The following GABRG2 variants were observed in gnomAD, a reference collection of about 807,000 sequenced individuals.
The protein encoded by GABRG2 is gamma-aminobutyric acid type A receptor subunit gamma2.
A neutral mutation model predicts 56.4 loss-of-function variants in GABRG2; 16 were observed. That is an observed-to-expected ratio of 0.28 (90% confidence interval 0.19 to 0.43). The LOEUF (loss-of-function observed/expected upper bound fraction) is 0.43. Among genes scored for constraint, GABRG2 ranks in the 20% least tolerant of loss-of-function variants. GABRG2 has a pLI of 1.00. For synonymous variants in GABRG2, 208 were observed against 205.5 expected, an observed-to-expected ratio of 1.01 and a Z score of -0.10; for missense variants, 327 against 582.7, an observed-to-expected ratio of 0.56 and a Z score of 4.52.
chr5:162,091,841 A>G (rs1201572574), intron 1 of GABRG2, among the ~76,000 whole-genome samples: 1 of 152,142 alleles, frequency 6.6e-6, no homozygotes, highest in Non-Finnish European at 1.5e-5. Flanking sequence ...AAACAAACAA[A>G]CTAAGCAATT....
At chr5:162,087,106 A>G (rs903757114) in intron 1 of GABRG2, among the ~76,000 whole-genome samples, 26 of 152,082 alleles carry the variant, frequency 1.7e-4, no homozygotes, top group African/African-American at 5.1e-4. Flanking sequence ...GAATAAAAAC[A>G]ATAAACTATG....
At chr5:162,119,993 G>T (rs1762876442) in intron 6 of GABRG2, among the ~76,000 whole-genome samples, 1 of 152,058 alleles carries the variant, frequency 6.6e-6, no homozygotes, top group South Asian at 2.1e-4. Context: ...CCCCATGCTT[G>T]CCATGCCTAG....
intron 7 of GABRG2, among the ~76,000 whole-genome samples, chr5:162,146,820 A>G (rs1042996103): frequency 6.6e-6 from 1 of 152,188 alleles, no homozygotes; most frequent in East Asian, 1.9e-4. Context: ...CCCTTCCTCT[A>G]TAGCTATTTA....
chr5:162,145,377 T>C (rs1764881130), intron 7 of GABRG2, among the ~76,000 whole-genome samples: 1 of 152,216 alleles, frequency 6.6e-6, no homozygotes, highest in Non-Finnish European at 1.5e-5. Context: ...CCTGAAGAGC[T>C]TACTTCATGC....
intron 6 of GABRG2, among the ~76,000 whole-genome samples, chr5:162,108,394 TA>T (rs1761989963): frequency 6.6e-6 from 1 of 152,172 alleles, no homozygotes; most frequent in Non-Finnish European, 1.5e-5. Context: ...ACCGAACTAT[TA>T]ATATGTTTCT....
At chr5:162,138,197 C>T (rs1764282960) in intron 6 of GABRG2, among the ~76,000 whole-genome samples, 1 of 152,104 alleles carries the variant, frequency 6.6e-6, no homozygotes, top group Non-Finnish European at 1.5e-5. Flanking sequence ...CTATAGTTTT[C>T]ATTCTGTAGT....
intron 6 of GABRG2, among the ~76,000 whole-genome samples, chr5:162,141,537 C>T (rs867448256): frequency 7.5e-4 from 114 of 152,192 alleles, no homozygotes; most frequent in African/African-American, 2.7e-3. Flanking sequence ...TAGACTCATG[C>T]AGATAAAGTC....
chr5:162,071,998 AC>A (rs1205860506), intron 1 of GABRG2, among the ~76,000 whole-genome samples: 2 of 152,030 alleles, frequency 1.3e-5, no homozygotes, highest in East Asian at 3.9e-4. Context: ...TACTACCTAA[AC>A]AAAACACCTG....
At chr5:162,098,406 A>G (rs1761158862) in intron 4 of GABRG2, 1 of 152,772 alleles carries the variant, frequency 6.5e-6, no homozygotes, top group African/African-American at 2.4e-5. Context: ...GCTATGGTTC[A>G]GCCTCTGAAA....
chr5:162,138,041 C>T lies in GABRG2; in HGVS notation c.770-4123C>T, dbSNP rs186505775. On this transcript the variant is annotated intron_variant, in intron 6 of 9. Transcript: ENST00000639213. ...TCCCCAAGTGAGGGGATTCCAAGTGCGAGCCACCGTGCCCTCACTGCAGTC... is the reference window on the plus strand; with the variant it reads ...TCCCCAAGTGAGGGGATTCCAAGTGTGAGCCACCGTGCCCTCACTGCAGTC... Among the ~76,000 whole-genome samples, 52 of 151,892 alleles carry T rather than the reference C, an allele frequency of 3.4e-4. 1 individual carries two copies. Among genetic ancestry groups the T allele is most frequent in the Non-Finnish European group, 1.3e-4 (9 of 67,942 alleles).
chr5:162,071,311 TAA>T (rs1436241331), intron 1 of GABRG2, among the ~76,000 whole-genome samples: 19 of 151,270 alleles, frequency 1.3e-4, no homozygotes, highest in African/African-American at 3.6e-4. Flanking sequence ...ACATAAAAAA[TAA>T]TTTAGAGTAA....
chr5:162,106,432 C>T (rs1008499255), intron 6 of GABRG2, among the ~76,000 whole-genome samples: 7 of 152,010 alleles, frequency 4.6e-5, no homozygotes, highest in Non-Finnish European at 1.0e-4. Context: ...GTGTTGATAA[C>T]GAAAGGCAGG....
intron 1 of GABRG2, among the ~76,000 whole-genome samples, chr5:162,088,623 T>G (rs1760316133): frequency 6.6e-6 from 1 of 152,110 alleles, no homozygotes; most frequent in African/African-American, 2.4e-5. Flanking sequence ...TAAGGGAAAA[T>G]GAGCTGGAAC....
In GABRG2 at chr5:162,067,893, A is replaced by T; in HGVS notation, c.-107A>T. ...CCCCAGTGAAGGACCTACTAGAGGCAGGTGGGGGGAGCCACCATCAGATCA... is the reference window on the plus strand; with the variant it reads ...CCCCAGTGAAGGACCTACTAGAGGCTGGTGGGGGGAGCCACCATCAGATCA... On this transcript the variant is annotated 5_prime_UTR_variant, in exon 1 of 10. Transcript: ENST00000639213. 1 of 775,586 alleles carries T rather than the reference A, an allele frequency of 1.3e-6. No individual in the cohort carries two copies. The allele number at this position is 775,586 out of a possible 1,614,324, so 48.0% of individuals were successfully genotyped here. A position where few individuals can be genotyped will look rare whatever the true frequency, so the allele number is the denominator to read the frequency against.
In GABRG2 at chr5:162,089,497, T is replaced by C. The variant is rs182639338; in HGVS notation, c.108-4331T>C. ...AGGTCAAAGATATCATTTTCCCGCA[T>C]GTATGTCTTGATAGATTTATTTTGA... On this transcript the variant is annotated intron_variant, in intron 1 of 9. Transcript: ENST00000639213. Among the ~76,000 whole-genome samples the C allele has an allele frequency of 5.3e-5, 8 of 152,278 alleles. No homozygotes were observed. The East Asian group carries it at 1.5e-3, about 29-fold the overall frequency.
In GABRG2 at chr5:162,118,944, C is replaced by T. The variant is rs188012348; in HGVS notation, c.769+14918C>T. 2.5e-4 allele frequency among the ~76,000 whole-genome samples: 38 copies of T among 152,094 alleles called. 1 individual carries two copies. Among genetic ancestry groups the T allele is most frequent in the African/African-American group, 8.9e-4 (37 of 41,500 alleles). On this transcript the variant is annotated intron_variant, in intron 6 of 9. Transcript: ENST00000639213. The stretch of plus-strand genomic sequence containing the variant: ...AGAGGAAGGTCGTATTGGGATGGCC[C>T]CTAGGATTAATGCACTTTAACGTAA...
chr5:162,068,409 C>T (rs1298329503), intron 1 of GABRG2, among the ~76,000 whole-genome samples: 3 of 151,784 alleles, frequency 2.0e-5, no homozygotes, highest in African/African-American at 7.3e-5. Context: ...AATCTGATAT[C>T]GGAGTGGGCT....
rs568541267 is a variant in GABRG2 at position 162,132,532 on chromosome 5, T to C, written c.770-9632T>C. On this transcript the variant is annotated intron_variant, in intron 6 of 9. Coordinates refer to ENST00000639213, the MANE Select transcript of GABRG2 (RefSeq NM_198904.4). ...GATTACAACTCTGACAAATCAATTA[T>C]AATCTCTTACTCAAAGGAGCATATC... Among the ~76,000 whole-genome samples, 4 of 152,110 alleles carry C rather than the reference T, an allele frequency of 2.6e-5. No individual in the cohort carries two copies. In the East Asian group the frequency reaches 5.8e-4, roughly 22 times the overall value.
intron 6 of GABRG2, among the ~76,000 whole-genome samples, chr5:162,109,388 T>C (rs1206921897): frequency 1.0e-4 from 4 of 39,168 alleles, no homozygotes; most frequent in African/African-American, 3.5e-4. Flanking sequence ...ACTTAAAGTA[T>C]AATATATATA....
Sources: gnomAD v4.1 joint callset for allele counts (sites outside exome capture counted in the v4.1 genomes callset) on GRCh38, gnomAD v4.1.1 for gene constraint, MANE v1.5 for transcripts, NCBI Gene and HGNC (gene_info 2026-07-23, HGNC 2026-07-21) for gene names.